SLC6A6: variants seen among roughly 807,000 people sequenced by gnomAD.
SLC6A6 encodes solute carrier family 6 member 6.
In SLC6A6, 16 loss-of-function variants were observed where a neutral mutation model predicts 68.8. The observed-to-expected ratio is 0.23, with a 90% CI of 0.16 to 0.35. The LOEUF (loss-of-function observed/expected upper bound fraction) is 0.35. Among genes scored for constraint, SLC6A6 ranks in the 10% least tolerant of loss-of-function variants. The pLI, the probability that SLC6A6 is intolerant of heterozygous loss-of-function variation, is 1.00. For synonymous variants in SLC6A6, 312 were observed against 315.4 expected (o/e 0.99, Z 0.12); for missense variants, 474 against 802.8 (o/e 0.59, Z 4.95).
At chr3:14,434,946 C>T (rs538614387) in intron 2 of SLC6A6, among the ~76,000 whole-genome samples, 16 of 152,348 alleles carry the variant, frequency 1.1e-4, no homozygotes, top group African/African-American at 3.8e-4. Context: ...TGTTCACCTG[C>T]CAATGTTTTT....
At chr3:14,467,437 G>C (rs752902635) in intron 7 of SLC6A6, among the ~76,000 whole-genome samples, 1 of 152,192 alleles carries the variant, frequency 6.6e-6, no homozygotes, top group African/African-American at 2.4e-5. Context: ...CTTGACTTAC[G>C]GGCTTGCCAT....
chr3:14,451,865 G>A (rs1364865928), intron 5 of SLC6A6, among the ~76,000 whole-genome samples: 1 of 152,176 alleles, frequency 6.6e-6, no homozygotes, highest in Non-Finnish European at 1.5e-5. Flanking sequence ...CCAGTTGGGC[G>A]GCAGAGCAGT....
At chr3:14,403,827 GCTTCAGCCTGGA>G (rs1244502313) in intron 1 of SLC6A6, among the ~76,000 whole-genome samples, 1 of 152,218 alleles carries the variant, frequency 6.6e-6, no homozygotes, top group Non-Finnish European at 1.5e-5. Context: ...CAGCCTCAAA[GCTTCAGCCTGGA>G]CTTCAGCCTG....
intron 1 of SLC6A6, among the ~76,000 whole-genome samples, chr3:14,412,393 A>G (rs568726798): frequency 6.6e-6 from 1 of 152,126 alleles, no homozygotes; most frequent in African/African-American, 2.4e-5. Flanking sequence ...GAAAAGCAAA[A>G]ACTCGTCCAG....
intron 4 of SLC6A6, among the ~76,000 whole-genome samples, chr3:14,447,284 C>T (rs1700147299): frequency 6.6e-6 from 1 of 152,034 alleles, no homozygotes; most frequent in African/African-American, 2.4e-5. Flanking sequence ...AACCATCCAA[C>T]CATCCAATCA....
intron 1 of SLC6A6, among the ~76,000 whole-genome samples, chr3:14,403,705 C>T (rs1375562679): frequency 2.6e-5 from 4 of 152,248 alleles, no homozygotes; most frequent in Admixed American, 6.5e-5. Context: ...CAGGACACTT[C>T]CCCCTCCAGA....
intron 1 of SLC6A6, among the ~76,000 whole-genome samples, chr3:14,405,761 A>G (rs150977619): frequency 1.4e-3 from 207 of 152,286 alleles, no homozygotes; most frequent in African/African-American, 4.8e-3. Flanking sequence ...CGCTTTTTTA[A>G]TGTGCTTCAT....
At chr3:14,458,757 C>T (rs17039625) in intron 6 of SLC6A6, among the ~76,000 whole-genome samples, 14,368 of 152,246 alleles carry the variant, frequency 0.094, 1,158 homozygotes, top group African/African-American at 0.23. Flanking sequence ...TTCAGGAAAG[C>T]GTTAGCTGAT....
At chr3:14,409,516 T>A (rs1401116488) in intron 1 of SLC6A6, among the ~76,000 whole-genome samples, 2 of 152,072 alleles carry the variant, frequency 1.3e-5, no homozygotes, top group East Asian at 3.9e-4. Flanking sequence ...GGACCCAGAG[T>A]CCACCGGATG....
chr3:14,422,105 C>T (rs114629108), intron 2 of SLC6A6, among the ~76,000 whole-genome samples: 1 of 152,230 alleles, frequency 6.6e-6, no homozygotes, highest in Non-Finnish European at 1.5e-5. Context: ...TCCATGTGTT[C>T]TAAGTCAGTG....
chr3:14,440,022 G>A (rs1699945717), intron 2 of SLC6A6, among the ~76,000 whole-genome samples: 1 of 152,160 alleles, frequency 6.6e-6, no homozygotes, highest in Admixed American at 6.5e-5. Context: ...GGCCAGGGGT[G>A]GACTGGATAG....
intron 4 of SLC6A6, among the ~76,000 whole-genome samples, chr3:14,447,155 CCATT>C (rs1252012512): frequency 2.0e-5 from 3 of 152,178 alleles, no homozygotes; most frequent in African/African-American, 2.4e-5. Context: ...ATTCATCTGG[CCATT>C]CATTCAATCA....
intron 5 of SLC6A6, among the ~76,000 whole-genome samples, chr3:14,451,237 C>A (rs1403245685): frequency 2.6e-5 from 4 of 152,260 alleles, no homozygotes; most frequent in African/African-American, 4.8e-5. Context: ...TCACTGGGTG[C>A]TGAATCTCCT....
chr3:14,413,871 G>A (rs1339646091), intron 1 of SLC6A6, among the ~76,000 whole-genome samples: 1 of 152,078 alleles, frequency 6.6e-6, no homozygotes, highest in African/African-American at 2.4e-5. Context: ...TTCAAGGCAG[G>A]GTATAGGTCT....
In SLC6A6 at chr3:14,477,998, C is replaced by G. The variant is rs933976467; in HGVS notation, c.1348-468C>G. Among the ~76,000 whole-genome samples, 1 of 152,104 alleles carries G rather than the reference C, an allele frequency of 6.6e-6. No individual in the cohort carries two copies. The highest frequency in any genetic ancestry group is 1.5e-5 in the Non-Finnish European group (1 of 68,006). On this transcript the variant is annotated intron_variant, in intron 11 of 14. Transcript: ENST00000622186. The surrounding 1 kb of genome is among the most constrained non-coding windows in gnomAD (Gnocchi z 4.2). ...AGGGCACGCTCTCTCCTGCATGCCC[C>G]CCCCCACCACCTCCCCTGTTCCCCA...
At position 14,447,623 on chromosome 3, in the gene SLC6A6, G is replaced by A; in HGVS notation, c.406G>A (p.Val136Ile). ...ASVVIVSLLN[V>I]YYIVILAWAT... ...CGTTGTAATTGTGTCCCTCCTGAAT[G>A]TCTACTACATCGTCATCCTGGCCTG... Residue 136 changes from valine (V) to isoleucine (I), a missense_variant, in exon 5 of 15, where the codon GTC becomes ATC. Coordinates refer to ENST00000622186, the MANE Select transcript of SLC6A6 (RefSeq NM_003043.6). The A allele has an allele frequency of 6.2e-7, 1 of 1,614,200 alleles. No individual in the cohort carries two copies. Among genetic ancestry groups the A allele is most frequent in the Non-Finnish European group, 8.5e-7 (1 of 1,180,012 alleles).
chr3:14,426,263 G>A (rs372287106), intron 2 of SLC6A6, among the ~76,000 whole-genome samples: 1 of 152,164 alleles, frequency 6.6e-6, no homozygotes, highest in African/African-American at 2.4e-5. Context: ...TCCTGGCTGT[G>A]CAACCTCGGT....
chr3:14,433,554 C>T (rs1374367607), intron 2 of SLC6A6, among the ~76,000 whole-genome samples: 2 of 152,118 alleles, frequency 1.3e-5, no homozygotes, highest in Admixed American at 6.5e-5. Flanking sequence ...ATAATCTCAG[C>T]ACTTTGGGAG....
chr3:14,420,867 G>A (rs935498806), intron 2 of SLC6A6, among the ~76,000 whole-genome samples: 1 of 152,226 alleles, frequency 6.6e-6, no homozygotes, highest in Non-Finnish European at 1.5e-5. Context: ...GTCATGGTAA[G>A]TAGATTTAAA....
Sources: allele counts gnomAD v4.1 joint callset (sites outside exome capture counted in the v4.1 genomes callset), GRCh38; gene constraint gnomAD v4.1.1; non-coding constraint Gnocchi (gnomAD v3.1); transcripts MANE v1.5; gene names NCBI Gene and HGNC (gene_info 2026-07-23, HGNC 2026-07-21).